Variants in GABRG3 observed in about 807,000 individuals in gnomAD.
The protein encoded by GABRG3 is gamma-aminobutyric acid receptor subunit gamma-3.
A neutral mutation model predicts 48.8 loss-of-function variants in GABRG3; 25 were observed. The observed-to-expected ratio is 0.51, with a 90% CI of 0.37 to 0.72. The LOEUF is 0.72. GABRG3 is among the 30% of genes least tolerant of loss of function. GABRG3 has a pLI of 0.00. For missense variants in GABRG3, 394 were observed against 577.9 expected (o/e 0.68, Z 3.26); for synonymous variants, 227 against 217.6 (o/e 1.04, Z -0.38).
chr15:27,450,614 G>A (rs887994716), intron 5 of GABRG3, among the ~76,000 whole-genome samples: 4 of 152,036 alleles, frequency 2.6e-5, no homozygotes, highest in Non-Finnish European at 4.4e-5. Context: ...ACTCAATGGT[G>A]AAAGGCTGAA....
intron 5 of GABRG3, among the ~76,000 whole-genome samples, chr15:27,436,945 A>G (rs1888630217): frequency 6.6e-6 from 1 of 150,444 alleles, no homozygotes; most frequent in African/African-American, 2.4e-5. Context: ...GCAGTGAGCT[A>G]TGATAATGCC....
intron 3 of GABRG3, among the ~76,000 whole-genome samples, chr15:27,228,878 G>A (rs1319676802): frequency 2.0e-5 from 3 of 152,172 alleles, no homozygotes; most frequent in Admixed American, 6.5e-5. Flanking sequence ...AGAAGTGTCT[G>A]TTCATGTCCT....
In GABRG3 at chr15:27,401,995, T is replaced by G. The variant is rs1887488065; in HGVS notation, c.574+73107T>G. Among the ~76,000 whole-genome samples, 3 of 152,338 alleles carry G rather than the reference T, an allele frequency of 2.0e-5. No homozygotes were observed. In the South Asian group the frequency reaches 6.2e-4, roughly 32 times the overall value. ...AAGAATTTTGACACTGTCAGGGATT[T>G]TTAAAAACATAGCTGGTAACCCCAT... On this transcript the variant is annotated intron_variant, in intron 5 of 9. Transcript: ENST00000615808.
intron 5 of GABRG3, among the ~76,000 whole-genome samples, chr15:27,411,983 ATTTTTGTAAATTAT>A (rs1255177955): frequency 6.6e-6 from 1 of 151,816 alleles, no homozygotes; most frequent in Admixed American, 6.6e-5. Context: ...TTAATTTTGC[ATTTTTGTAAATTAT>A]TTTTCTTCTG....
intron 5 of GABRG3, among the ~76,000 whole-genome samples, chr15:27,438,315 A>G (rs1315137836): frequency 6.6e-6 from 1 of 152,276 alleles, no homozygotes; most frequent in African/African-American, 2.4e-5. Context: ...AGCTAAATTT[A>G]AAGCTGCTTG....
chr15:27,238,011 G>C (rs555551828), intron 3 of GABRG3, among the ~76,000 whole-genome samples: 1 of 152,340 alleles, frequency 6.6e-6, no homozygotes, highest in East Asian at 1.9e-4. Context: ...AAGGTGAGAA[G>C]AAGAGTTAAT....
chr15:27,494,060 T>A (rs1426070876), intron 6 of GABRG3, among the ~76,000 whole-genome samples: 2 of 152,120 alleles, frequency 1.3e-5, no homozygotes, highest in Non-Finnish European at 2.9e-5. Context: ...ATCATATGAT[T>A]TTTTTCTTCG....
intron 3 of GABRG3, among the ~76,000 whole-genome samples, chr15:27,308,681 A>G (rs1892855708): frequency 1.3e-5 from 2 of 149,766 alleles, no homozygotes; most frequent in Admixed American, 6.7e-5. Context: ...ACATACGCTT[A>G]TGTATAAACA....
At chr15:27,369,571 A>G (rs1895326132) in intron 5 of GABRG3, among the ~76,000 whole-genome samples, 1 of 152,170 alleles carries the variant, frequency 6.6e-6, no homozygotes, top group East Asian at 1.9e-4. Flanking sequence ...TAATCCCAAC[A>G]CTTTGGGAGG....
At chr15:27,501,082 G>C (rs529244239) in intron 6 of GABRG3, among the ~76,000 whole-genome samples, 2 of 151,670 alleles carry the variant, frequency 1.3e-5, no homozygotes, top group South Asian at 4.2e-4. Flanking sequence ...CTCCCGAGTA[G>C]CTGGGACTAC....
chr15:27,003,322 A>C lies in GABRG3; in HGVS notation c.203-23432A>C, dbSNP rs1261162037. ...ATAGTGGAGGGAAGGTCAGCAGATA[A>C]ACAAGTGAACAAAGGTCTCTGGTTT... On this transcript the variant is annotated intron_variant, in intron 2 of 9. Transcript: ENST00000615808. Among the ~76,000 whole-genome samples, 5 of 151,360 alleles carry C rather than the reference A, an allele frequency of 3.3e-5. No homozygotes were observed. In the East Asian group the frequency reaches 9.7e-4, roughly 29 times the overall value.
At chr15:26,993,305 G>A (rs1457843425) in intron 2 of GABRG3, among the ~76,000 whole-genome samples, 3 of 151,830 alleles carry the variant, frequency 2.0e-5, no homozygotes, top group African/African-American at 7.2e-5. Context: ...ACTAGGTTAC[G>A]TATTTGAAGT....
chr15:27,519,848 G>A, intron 6 of GABRG3, 124 bp from the exon 7 acceptor site: 1 of 693,194 alleles, frequency 1.4e-6, no homozygotes, highest in African/African-American at 1.8e-5. Context: ...TTCCTGATTT[G>A]ATATTGTTGT....
Position 27,534,683 on chromosome 15 carries a change from A to G in GABRG3, c.*1802A>G, listed in dbSNP as rs1891509584. On this transcript the variant is annotated 3_prime_UTR_variant, in exon 10 of 10. Coordinates refer to ENST00000615808, the MANE Select transcript of GABRG3 (RefSeq NM_033223.5). The stretch of plus-strand genomic sequence containing the variant: ...CAATTTCACACAATGTCCTGGATGT[A>G]TACCAGACACAGAAGAGGATGGGAG... 1.3e-5 allele frequency: 2 copies of G among 152,246 alleles called. No individual in the cohort carries two copies. Among genetic ancestry groups the G allele is most frequent in the South Asian group, 4.1e-4 (2 of 4,830 alleles). The allele number at this position is 152,246 out of a possible 1,614,324, so 9.4% of individuals were successfully genotyped here. A position where few individuals can be genotyped will look rare whatever the true frequency, so the allele number is the denominator to read the frequency against.
intron 3 of GABRG3, among the ~76,000 whole-genome samples, chr15:27,147,675 T>C (rs1037212166): frequency 6.6e-5 from 10 of 151,924 alleles, no homozygotes; most frequent in African/African-American, 2.4e-4. Context: ...GAAAGAAATT[T>C]GGAGAATTCA....
intron 5 of GABRG3, among the ~76,000 whole-genome samples, chr15:27,366,974 G>T (rs1165980198): frequency 6.6e-6 from 1 of 152,158 alleles, no homozygotes; most frequent in East Asian, 1.9e-4. Flanking sequence ...GGGACCCTCT[G>T]TCAGCTCACT....
chr15:27,136,973 G>C (rs1461219178), intron 3 of GABRG3, among the ~76,000 whole-genome samples: 1 of 152,042 alleles, frequency 6.6e-6, no homozygotes, highest in South Asian at 2.1e-4. Flanking sequence ...AGAGCCTGAC[G>C]CCCACCAGGA....
At chr15:27,313,654 A>T (rs1893108886) in intron 3 of GABRG3, among the ~76,000 whole-genome samples, 1 of 152,026 alleles carries the variant, frequency 6.6e-6, no homozygotes, top group Non-Finnish European at 1.5e-5. Context: ...ACACAATGAA[A>T]TGAAGTGACA....
chr15:27,516,041 TG>T lies in GABRG3; in HGVS notation c.713-3930del, dbSNP rs1426465667. Among the ~76,000 whole-genome samples, 13 of 152,050 alleles carry T rather than the reference TG, an allele frequency of 8.5e-5. No homozygotes were observed. The East Asian group carries it at 1.9e-3, about 23-fold the overall frequency. On this transcript the variant is annotated intron_variant, in intron 6 of 9. Transcript: ENST00000615808. The stretch of plus-strand genomic sequence containing the variant: ...ACCTAGAATTTAAAAATTGTAAATT[TG>T]CTTATATATTTGGTATTTTATTAAT...
Sources: gnomAD v4.1 joint callset for allele counts (sites outside exome capture counted in the v4.1 genomes callset) on GRCh38, gnomAD v4.1.1 for gene constraint, MANE v1.5 for transcripts, NCBI Gene and HGNC (gene_info 2026-07-23, HGNC 2026-07-21) for gene names.